TOGARAM1: variants seen among roughly 807,000 people sequenced by gnomAD.
TOGARAM1 encodes TOG array regulator of axonemal microtubules 1, also known as TOG array regulator of axonemal microtubules protein 1.
TOGARAM1 carries 100 observed loss-of-function variants against 166.6 expected under a neutral mutation model. The ratio of observed to expected loss-of-function variants is 0.60; its 90% CI spans 0.51 to 0.71. The LOEUF is 0.71. Ranked by LOEUF, TOGARAM1 falls within the 30% of genes least tolerant of loss-of-function variation. The probability of loss-of-function intolerance (pLI) is 0.00; values close to 1 mark genes in which losing one functional copy is unlikely to be tolerated. For synonymous variants in TOGARAM1, 758 were observed against 763.8 expected, an observed-to-expected ratio of 0.99 and a Z score of 0.13; for missense variants, 2,029 against 2,102.7, an observed-to-expected ratio of 0.96 and a Z score of 0.69.
chr14:44,994,459 C>T (rs1887318614), intron 1 of TOGARAM1, among the ~76,000 whole-genome samples: 1 of 152,110 alleles, frequency 6.6e-6, no homozygotes, highest in African/African-American at 2.4e-5. Flanking sequence ...CAGTCAGTCA[C>T]TCAGGCTGGA....
At chr14:45,060,741 T>C (rs1594703220) in intron 16 of TOGARAM1, among the ~76,000 whole-genome samples, 1 of 152,144 alleles carries the variant, frequency 6.6e-6, no homozygotes, top group East Asian at 1.9e-4. Flanking sequence ...TCAAGTTGGG[T>C]TTATCTGATA....
In TOGARAM1 at chr14:45,072,521, G is replaced by C. The variant is rs547626809; in HGVS notation, c.5056+723G>C. Among the ~76,000 whole-genome samples the C allele has an allele frequency of 2.6e-5, 4 of 152,064 alleles. No individual in the cohort carries two copies. In the South Asian group the frequency reaches 8.3e-4, roughly 32 times the overall value. ...GGCTAATTGCAACCTCCGCCTCCTG[G>C]GTTCAAGTGATTCCTGCCTCAGCCT... On this transcript the variant is annotated intron_variant, in intron 19 of 19. Transcript: ENST00000361462.
In TOGARAM1 at chr14:45,028,252, A is replaced by G. The variant is rs1880971904; in HGVS notation, c.3581A>G (p.Asn1194Ser). The change falls in exon 10 of 20, where the codon AAT becomes AGT. Residue 1194 changes from asparagine to serine, a missense_variant. By Grantham distance (46) the Asn-to-Ser change is conservative. This residue lies in a region of TOGARAM1 where 1,453 missense variants were observed against 1,432.2 expected (regional missense o/e 1.01). Coordinates refer to ENST00000361462, the MANE Select transcript of TOGARAM1 (RefSeq NM_001308120.2). ...KRKEEKELFH[N>S]KDCEKKEKNS... Reference sequence around the variant, plus strand: ...AAAGAAGAGAAAGAACTGTTTCACAATAAAGATTGTGAAAAGAAGGAAAAA... The same window carrying G: ...AAAGAAGAGAAAGAACTGTTTCACAGTAAAGATTGTGAAAAGAAGGAAAAA... 5.6e-6 allele frequency: 9 copies of G among 1,606,272 alleles called. No individual in the cohort carries two copies. The highest frequency in any genetic ancestry group is 1.1e-5 in the South Asian group (1 of 89,022).
Position 45,025,478 on chromosome 14 carries a change from C to T in TOGARAM1, c.3239-305C>T, listed in dbSNP as rs536051564. ...ACTCAGGAGGCTGAGGCAGGAGAAT[C>T]GCTTGAACCCAGGAGGTGGAGGTAG... On this transcript the variant is annotated intron_variant, in intron 7 of 19. Transcript: ENST00000361462. The T allele has an allele frequency of 5.6e-4, 113 of 200,144 alleles. 1 individual carries two copies. The highest frequency in any genetic ancestry group is 2.3e-3 in the African/African-American group (95 of 42,162). The allele number at this position is 200,144 out of a possible 1,614,324, so 12.4% of individuals were successfully genotyped here.
chr14:45,051,404 T>G (rs1036433518), intron 14 of TOGARAM1, among the ~76,000 whole-genome samples: 2 of 152,090 alleles, frequency 1.3e-5, no homozygotes, highest in Admixed American at 6.6e-5. Flanking sequence ...GGAGGAAAAC[T>G]TCACAATTCT....
rs532799996 is a variant in TOGARAM1 at position 45,041,911 on chromosome 14, C to T, written c.3813-1775C>T. Among the ~76,000 whole-genome samples the T allele has an allele frequency of 2.6e-5, 4 of 152,296 alleles. No individual in the cohort carries two copies. In the South Asian group the frequency reaches 6.2e-4, roughly 24 times the overall value. On this transcript the variant is annotated intron_variant, in intron 11 of 19. Transcript: ENST00000361462. ...ACAAGTAGCTGTGACTACAGGTGCA[C>T]ACTACTACGCCTGGCTAATTTTTAT...
chr14:45,011,433 C>T (rs1307442800), intron 6 of TOGARAM1, among the ~76,000 whole-genome samples: 1 of 152,158 alleles, frequency 6.6e-6, no homozygotes, highest in African/African-American at 2.4e-5. Flanking sequence ...CCACCTCGGC[C>T]TCTGTAGTAG....
intron 16 of TOGARAM1, among the ~76,000 whole-genome samples, chr14:45,062,578 C>G (rs995336923): frequency 1.3e-5 from 2 of 152,192 alleles, no homozygotes; most frequent in African/African-American, 4.8e-5. Flanking sequence ...GTTCAACTTA[C>G]GATTTTTCAA....
intron 11 of TOGARAM1, 76 bp downstream of exon 11, chr14:45,032,452 A>G: frequency 7.5e-7 from 1 of 1,330,478 alleles, no homozygotes; most frequent in Non-Finnish European, 1.0e-6. Flanking sequence ...AAAATCTTGA[A>G]ACACATTTTC....
chr14:45,063,523 C>T (rs959799240), intron 16 of TOGARAM1, among the ~76,000 whole-genome samples: 3 of 134,632 alleles, frequency 2.2e-5, no homozygotes, highest in East Asian at 2.1e-4. Context: ...CTCGCACTGT[C>T]GCCCAAGGTG....
intron 14 of TOGARAM1, 25 bp from the exon 15 acceptor site, chr14:45,052,411 A>G: frequency 1.3e-6 from 2 of 1,599,468 alleles, no homozygotes; most frequent in South Asian, 2.2e-5. Context: ...AAAAAGTAAT[A>G]TACCTGTTTT....
Position 45,068,455 on chromosome 14 carries a change from A to T in TOGARAM1, c.4781A>T (p.Asp1594Val), listed in dbSNP as rs2139006272. 6.2e-7 allele frequency: 1 copy of T among 1,611,436 alleles called. No individual in the cohort carries two copies. The highest frequency in any genetic ancestry group is 2.2e-5 in the East Asian group (1 of 44,824). ...IFDAFKSRLH[D>V]SNSKVNLVAL... ...GATGCTTTTAAATCTCGACTTCATG[A>T]TTCTAATAGTAAAGTAAATCTGGTG... Residue 1594 changes from aspartate to valine, a missense_variant, in exon 18 of 20, where the codon GAT (aspartate) becomes GTT (valine). Physicochemically the swap from Asp to Val is radical, Grantham distance 152. This residue lies in a region of TOGARAM1 where 576 missense variants were observed against 670.5 expected (regional missense o/e 0.86). Coordinates refer to ENST00000361462, the MANE Select transcript of TOGARAM1 (RefSeq NM_001308120.2).
At chr14:45,053,944 ATCT>A (rs1337200505) in intron 15 of TOGARAM1, among the ~76,000 whole-genome samples, 2 of 152,034 alleles carry the variant, frequency 1.3e-5, no homozygotes, top group Non-Finnish European at 2.9e-5. Flanking sequence ...CAGTGGCATG[ATCT>A]TAGCTCACTG....
chr14:45,054,793 A>T (rs955137756), intron 16 of TOGARAM1, among the ~76,000 whole-genome samples: 2 of 152,226 alleles, frequency 1.3e-5, no homozygotes, highest in Admixed American at 1.3e-4. Flanking sequence ...GGTCGATGTT[A>T]GGCCTATTTT....
At chr14:45,066,038 CA>C (rs1883123657) in intron 16 of TOGARAM1, among the ~76,000 whole-genome samples, 1 of 152,152 alleles carries the variant, frequency 6.6e-6, no homozygotes, top group African/African-American at 2.4e-5. Context: ...TTTGGGCAAA[CA>C]ATATGGTTTA....
In TOGARAM1 at chr14:44,962,380, C is replaced by T. The variant is rs911353032; in HGVS notation, c.-42C>T. On this transcript the variant is annotated 5_prime_UTR_variant, in exon 1 of 20. It adds an upstream start codon to the 5' untranslated region. Coordinates refer to ENST00000361462, the MANE Select transcript of TOGARAM1 (RefSeq NM_001308120.2). Reference sequence around the variant, plus strand: ...TGGGCTCCATCGAGCCCTTTGGAGACGGCAATGGTTTCTTCCAACCACCAC... The same window carrying T: ...TGGGCTCCATCGAGCCCTTTGGAGATGGCAATGGTTTCTTCCAACCACCAC... The T allele has an allele frequency of 7.3e-6, 11 of 1,505,942 alleles. No individual in the cohort carries two copies. Among genetic ancestry groups the T allele is most frequent in the Non-Finnish European group, 9.7e-6 (11 of 1,134,010 alleles). 93.3% of individuals were successfully genotyped at this position (1,505,942 alleles called of 1,614,324 possible). A position where few individuals can be genotyped will look rare whatever the true frequency, so the allele number is the denominator to read the frequency against.
chr14:45,051,344 T>G (rs937344680), intron 14 of TOGARAM1, among the ~76,000 whole-genome samples: 2 of 152,098 alleles, frequency 1.3e-5, no homozygotes, highest in Non-Finnish European at 2.9e-5. Flanking sequence ...GGCCAGAACA[T>G]CTGGCCCTTA....
intron 7 of TOGARAM1, among the ~76,000 whole-genome samples, chr14:45,016,846 ATAT>A (rs1446854571): frequency 1.3e-5 from 2 of 152,218 alleles, no homozygotes; most frequent in Non-Finnish European, 1.5e-5. Context: ...ATAGTTCCTA[ATAT>A]TATGTTACTT....
chr14:44,962,227 G>C lies in TOGARAM1; in HGVS notation c.-195G>C, dbSNP rs563816431. The C allele has an allele frequency of 2.1e-5, 12 of 559,522 alleles. No homozygotes were observed. The highest frequency in any genetic ancestry group is 2.4e-5 in the Non-Finnish European group (8 of 332,984). 34.7% of individuals were successfully genotyped at this position (559,522 alleles called of 1,614,324 possible). The stretch of plus-strand genomic sequence containing the variant: ...TGGTTACGCCCGGTGGCAGCTGTGG[G>C]GTCTAGGGCTCAGACGGGGGCCATT... On this transcript the variant is annotated 5_prime_UTR_variant, in exon 1 of 20. Coordinates refer to ENST00000361462, the MANE Select transcript of TOGARAM1 (RefSeq NM_001308120.2).
Sources: allele counts gnomAD v4.1 joint callset (sites outside exome capture counted in the v4.1 genomes callset), GRCh38; gene constraint gnomAD v4.1.1; regional missense constraint gnomAD v4.1.1; transcripts MANE v1.5; gene names NCBI Gene and HGNC (gene_info 2026-07-23, HGNC 2026-07-21).